SETD3: variants seen among roughly 807,000 people sequenced by gnomAD.
SETD3 encodes SET domain containing 3, actin N3(tau)-histidine methyltransferase.
In SETD3, 19 loss-of-function variants were observed where a neutral mutation model predicts 63.0. That is an observed-to-expected ratio of 0.30 (90% CI 0.21 to 0.44). SETD3 has a LOEUF of 0.44. Ranked by LOEUF, SETD3 falls within the 20% of genes least tolerant of loss-of-function variation. SETD3 has a pLI of 1.00. For missense variants in SETD3, 587 were observed against 728.5 expected (o/e 0.81, Z 2.24); for synonymous variants, 286 against 264.1 (o/e 1.08, Z -0.80).
At chr14:99,474,225 T>C (rs532958224) in intron 1 of SETD3, among the ~76,000 whole-genome samples, 1 of 152,160 alleles carries the variant, frequency 6.6e-6, no homozygotes, top group East Asian at 1.9e-4. Flanking sequence ...CTTAGGAGGC[T>C]GATGTAGGAG....
At chr14:99,449,821 A>G (rs189878301) in intron 6 of SETD3, among the ~76,000 whole-genome samples, 31 of 152,354 alleles carry the variant, frequency 2.0e-4, no homozygotes, top group African/African-American at 7.2e-4. Context: ...AGCTAGGTGA[A>G]GTGTATATAG....
intron 1 of SETD3, among the ~76,000 whole-genome samples, chr14:99,468,849 C>A (rs1342564580): frequency 6.6e-6 from 1 of 152,224 alleles, no homozygotes; most frequent in Admixed American, 6.5e-5. Flanking sequence ...ATACCAGCAT[C>A]CCTTCAGGTA....
chr14:99,434,020 C>T (rs181133584), intron 6 of SETD3, among the ~76,000 whole-genome samples: 15 of 152,202 alleles, frequency 9.9e-5, no homozygotes, highest in Admixed American at 7.2e-4. Flanking sequence ...GCTAAACATA[C>T]GATCACTCAA....
At chr14:99,427,047 G>T (rs537526033) in intron 6 of SETD3, among the ~76,000 whole-genome samples, 4 of 152,308 alleles carry the variant, frequency 2.6e-5, no homozygotes, top group Non-Finnish European at 5.9e-5. Flanking sequence ...GAGCGTGGGG[G>T]GCAGCTGGGG....
intron 6 of SETD3, among the ~76,000 whole-genome samples, chr14:99,452,031 T>C (rs1894491228): frequency 6.6e-6 from 1 of 152,224 alleles, no homozygotes. Context: ...GAAGGACTCC[T>C]CAAAACTCGT....
chr14:99,409,955 A>C (rs1163908239), intron 8 of SETD3: 1 of 397,432 alleles, frequency 2.5e-6, no homozygotes, highest in African/African-American at 2.0e-5. Context: ...CCCTGCGTTC[A>C]TGGATCTTCC....
intron 6 of SETD3, among the ~76,000 whole-genome samples, chr14:99,433,170 G>A (rs1447083569): frequency 6.6e-6 from 1 of 151,944 alleles, no homozygotes; most frequent in Non-Finnish European, 1.5e-5. Flanking sequence ...TCTGTTTGGG[G>A]GGATTAAAAA....
chr14:99,464,227 A>ATT (rs1285368807), intron 2 of SETD3, among the ~76,000 whole-genome samples: 4 of 152,204 alleles, frequency 2.6e-5, no homozygotes, highest in Non-Finnish European at 5.9e-5. Context: ...AGTTTGAAAG[A>ATT]CTGCACACTG....
upstream of SETD3, chr14:99,481,396 G>T (rs1318182672): frequency 7.5e-6 from 3 of 398,374 alleles, no homozygotes; most frequent in East Asian, 3.6e-5. Context: ...GCAGCGTGAT[G>T]ACGTAGGTCC....
chr14:99,405,022 T>C (rs1891603188), intron 10 of SETD3, among the ~76,000 whole-genome samples, 183 bp downstream of exon 10: 1 of 152,200 alleles, frequency 6.6e-6, no homozygotes. Flanking sequence ...CACAATTATG[T>C]TTACCTGAAA....
At chr14:99,417,391 C>T (rs1203977911) in intron 6 of SETD3, among the ~76,000 whole-genome samples, 2 of 152,118 alleles carry the variant, frequency 1.3e-5, no homozygotes, top group Non-Finnish European at 2.9e-5. Context: ...TATTAAATAC[C>T]CTTGGAAAAA....
intron 1 of SETD3, among the ~76,000 whole-genome samples, chr14:99,480,106 G>A (rs749445841): frequency 2.0e-5 from 3 of 152,372 alleles, no homozygotes; most frequent in Non-Finnish European, 2.9e-5. Context: ...GAAGAAAGAC[G>A]ACCTATTTCC....
At chr14:99,410,020 A>T (rs1186050588) in intron 8 of SETD3, 1 of 494,332 alleles carries the variant, frequency 2.0e-6, no homozygotes, top group African/African-American at 1.9e-5. Flanking sequence ...AAAGGCAGAA[A>T]CAAGCGGATC....
At chr14:99,413,118 A>G in intron 7 of SETD3, 53 bp from the exon 8 acceptor site, 1 of 1,063,968 alleles carries the variant, frequency 9.4e-7, no homozygotes. Context: ...AGCCAATTGC[A>G]GTAAGAAATA....
chr14:99,473,909 A>G (rs1895833267), intron 1 of SETD3, among the ~76,000 whole-genome samples: 2 of 152,232 alleles, frequency 1.3e-5, no homozygotes, highest in Non-Finnish European at 2.9e-5. Context: ...AAACTTATAC[A>G]TATCAGAAAC....
chr14:99,428,439 A>G (rs1893000607), intron 6 of SETD3, among the ~76,000 whole-genome samples: 2 of 152,128 alleles, frequency 1.3e-5, no homozygotes, highest in Non-Finnish European at 2.9e-5. Context: ...GAGGTGAGGA[A>G]TTCGAGATCA....
At chr14:99,434,846 T>TAAAAAAA (rs1566706239) in intron 6 of SETD3, among the ~76,000 whole-genome samples, 9 of 18,900 alleles carry the variant, frequency 4.8e-4, no homozygotes, top group African/African-American at 2.7e-3. Context: ...AAACTCTGCC[T>TAAAAAAA]CAAAAAAAAA....
At chr14:99,404,080 T>C (rs1891546269) in intron 11 of SETD3, 145 bp downstream of exon 11, 2 of 564,466 alleles carry the variant, frequency 3.5e-6, no homozygotes, top group Non-Finnish European at 6.1e-6. Context: ...AATCTATTTC[T>C]TCTTTCTCCA....
intron 11 of SETD3, among the ~76,000 whole-genome samples, chr14:99,403,569 C>G (rs374515758): frequency 1.3e-5 from 2 of 151,826 alleles, no homozygotes; most frequent in African/African-American, 4.8e-5. Flanking sequence ...AACACAACCA[C>G]GAGAGGTCAA....
Sources: gnomAD v4.1 joint callset for allele counts (sites outside exome capture counted in the v4.1 genomes callset) on GRCh38, gnomAD v4.1.1 for gene constraint, MANE v1.5 for transcripts, NCBI Gene and HGNC (gene_info 2026-07-23, HGNC 2026-07-21) for gene names.